PUDP: variants seen among roughly 807,000 people sequenced by gnomAD.
PUDP encodes pseudouridine 5'-phosphatase, also known as pseudouridine-5'-phosphatase.
PUDP carries 8 observed loss-of-function variants against 9.4 expected under a neutral mutation model. The ratio of observed to expected loss-of-function variants is 0.85; its 90% CI spans 0.50 to 1.53. The LOEUF (loss-of-function observed/expected upper bound fraction) is 1.53. Among genes scored for constraint, PUDP ranks in the 40% most tolerant of loss-of-function variants. The pLI, the probability that PUDP is intolerant of heterozygous loss-of-function variation, is 0.00. For missense variants in PUDP, 188 were observed against 189.7 expected (o/e 0.99, Z 0.05); for synonymous variants, 99 against 80.7 (o/e 1.23, Z -1.22).
At chrX:6,852,851 G>A (rs1304280631) in intron 3 of PUDP, among the ~76,000 whole-genome samples, 1 of 111,486 alleles carries the variant, frequency 9.0e-6, no homozygotes, top group African/African-American at 3.3e-5. Context: ...TGGATACAAA[G>A]GATGAGGTTG....
intron 3 of PUDP, among the ~76,000 whole-genome samples, chrX:6,828,364 A>ATG (rs72476427): frequency 0.028 from 2,991 of 106,971 alleles, 105 homozygotes; most frequent in African/African-American, 0.092. Context: ...GTTGCTATAT[A>ATG]TGTGTGTGTG....
intron 3 of PUDP, among the ~76,000 whole-genome samples, chrX:7,055,792 GA>G (rs1200874863): frequency 1.4e-5 from 1 of 70,004 alleles, no homozygotes; most frequent in Non-Finnish European, 3.2e-5. Flanking sequence ...AAAAAAGAAA[GA>G]AGAATATAAG....
chrX:6,725,626 G>C (rs376715119), upstream of PUDP, among the ~76,000 whole-genome samples: 3 of 111,925 alleles, frequency 2.7e-5, no homozygotes, highest in African/African-American at 9.7e-5. Flanking sequence ...TTGTTCAAAA[G>C]AAGACATAAA....
chrX:6,985,155 A>G (rs924152261), intron 1 of PUDP, among the ~76,000 whole-genome samples: 1 of 112,146 alleles, frequency 8.9e-6, no homozygotes, highest in Non-Finnish European at 1.9e-5. Context: ...AGCCAGTTAC[A>G]GGGAGAAGGC....
chrX:6,911,277 A>T (rs1447698591), intron 3 of PUDP, among the ~76,000 whole-genome samples: 1 of 107,567 alleles, frequency 9.3e-6, no homozygotes, highest in East Asian at 2.9e-4. Flanking sequence ...CTCACTGCAA[A>T]CTCTGCCTCA....
intron 3 of PUDP, among the ~76,000 whole-genome samples, chrX:6,749,110 G>A (rs750186533): frequency 3.6e-5 from 4 of 111,941 alleles, no homozygotes; most frequent in Non-Finnish European, 7.5e-5. Flanking sequence ...AAACACCAAC[G>A]AAGGTTATTC....
intron 1 of PUDP, among the ~76,000 whole-genome samples, chrX:7,019,267 C>G (rs1212843458): frequency 8.9e-6 from 1 of 112,130 alleles, no homozygotes; most frequent in African/African-American, 3.2e-5. Context: ...ATCGGGACCC[C>G]TTTCCTGTAA....
In PUDP at chrX:7,024,471, G is replaced by A. The variant is rs766404900; in HGVS notation, c.205-46128C>T. 4.5e-5 allele frequency among the ~76,000 whole-genome samples: 5 copies of A among 110,165 alleles called. No homozygotes were observed. In the South Asian group the frequency reaches 1.1e-3, roughly 25 times the overall value. ...ATTGTTTTTTTGTTTTTGTTTTTTC[G>A]TCTTTTTTAGTTTGACAATATTCAA... is the stretch of plus-strand genomic sequence containing the variant. On this transcript the variant is annotated intron_variant and NMD_transcript_variant, in intron 1 of 3. Transcript: ENST00000655425.
At chrX:6,758,814 C>T (rs749399887) in intron 3 of PUDP, among the ~76,000 whole-genome samples, 7 of 111,323 alleles carry the variant, frequency 6.3e-5, no homozygotes, top group Non-Finnish European at 9.4e-5. Context: ...GCCTCATCAA[C>T]GTGCGGAAGG....
At chrX:7,085,726 C>T (rs1390457189) in intron 2 of PUDP, among the ~76,000 whole-genome samples, 1 of 111,891 alleles carries the variant, frequency 8.9e-6, no homozygotes, top group Non-Finnish European at 1.9e-5. Context: ...CATGAGGACA[C>T]GCTGCTACCA....
chrX:7,054,047 G>A (rs1930171621), intron 3 of PUDP, among the ~76,000 whole-genome samples: 1 of 112,144 alleles, frequency 8.9e-6, no homozygotes, highest in South Asian at 3.7e-4. Context: ...CATAAAGTAA[G>A]GGGGACTCGA....
intron 3 of PUDP, among the ~76,000 whole-genome samples, chrX:6,860,381 C>A (rs1926979143): frequency 9.0e-6 from 1 of 110,947 alleles, no homozygotes; most frequent in Non-Finnish European, 1.9e-5. Context: ...CTCATGTGAT[C>A]CTCCTGTCTT....
chrX:6,832,262 A>T (rs1243534064), intron 3 of PUDP, among the ~76,000 whole-genome samples: 1 of 111,936 alleles, frequency 8.9e-6, no homozygotes, highest in Non-Finnish European at 1.9e-5. Flanking sequence ...ATTGGCCCAA[A>T]TTAAAGAGGT....
chrX:6,773,307 G>A (rs1000955803), intron 3 of PUDP, among the ~76,000 whole-genome samples: 1 of 112,011 alleles, frequency 8.9e-6, no homozygotes, highest in Non-Finnish European at 1.9e-5. Flanking sequence ...TGTGATACAG[G>A]TTTCAGTGAA....
At chrX:6,751,815 A>C (rs181958504) in intron 3 of PUDP, among the ~76,000 whole-genome samples, 1 of 111,428 alleles carries the variant, frequency 9.0e-6, no homozygotes, top group East Asian at 2.8e-4. Context: ...GGAGGAATTT[A>C]GCCGAGCACT....
At chrX:6,873,095 A>T (rs1927200587) in intron 3 of PUDP, among the ~76,000 whole-genome samples, 1 of 111,866 alleles carries the variant, frequency 8.9e-6, no homozygotes, top group African/African-American at 3.2e-5. Flanking sequence ...TGCCTCAGGA[A>T]GACTCAAACG....
At chrX:6,801,808 G>C (rs183881097) in intron 3 of PUDP, among the ~76,000 whole-genome samples, 1 of 111,898 alleles carries the variant, frequency 8.9e-6, no homozygotes, top group East Asian at 2.8e-4. Context: ...GCTAAGGTAC[G>C]CCCTGTTAGT....
At chrX:6,978,860 A>C (rs944985090) in intron 1 of PUDP, among the ~76,000 whole-genome samples, 3 of 111,855 alleles carry the variant, frequency 2.7e-5, no homozygotes, top group African/African-American at 9.8e-5. Flanking sequence ...TCCATTCCCA[A>C]GTCCATTCAC....
At chrX:6,982,872 A>G (rs780047962) in intron 1 of PUDP, among the ~76,000 whole-genome samples, 1 of 112,578 alleles carries the variant, frequency 8.9e-6, no homozygotes, top group East Asian at 2.8e-4. Flanking sequence ...GATTTCTCTC[A>G]CTGTCATACT....
Sources: gnomAD v4.1 joint callset for allele counts (sites outside exome capture counted in the v4.1 genomes callset) on GRCh38, gnomAD v4.1.1 for gene constraint, MANE v1.5 for transcripts, NCBI Gene and HGNC (gene_info 2026-07-23, HGNC 2026-07-21) for gene names.